Variants in WNT3 observed in about 807,000 individuals in gnomAD.
The protein encoded by WNT3 is proto-oncogene Wnt-3.
In WNT3, 7 loss-of-function variants were observed where a neutral mutation model predicts 34.2. That is an observed-to-expected ratio of 0.20 (90% CI 0.12 to 0.38). The LOEUF is 0.38. Ranked by LOEUF, WNT3 falls within the 10% of genes least tolerant of loss-of-function variation. WNT3 has a pLI of 1.00. For missense variants in WNT3, 267 were observed against 499.8 expected (o/e 0.53, Z 4.44); for synonymous variants, 212 against 211.5 (o/e 1.00, Z -0.02).
chr17:46,780,522 C>T (rs371833443), intron 1 of WNT3, among the ~76,000 whole-genome samples: 2 of 152,286 alleles, frequency 1.3e-5, no homozygotes, highest in Middle Eastern at 3.4e-3. Flanking sequence ...GGTGCGGTGG[C>T]TCACGCTTGT....
chr17:46,782,088 C>T (rs2059466556), intron 1 of WNT3, among the ~76,000 whole-genome samples: 1 of 152,198 alleles, frequency 6.6e-6, no homozygotes, highest in Non-Finnish European at 1.5e-5. Context: ...GGGAAAGGCT[C>T]CCCTCCTCCC....
At chr17:46,785,046 G>A (rs528657044) in intron 1 of WNT3, among the ~76,000 whole-genome samples, 2 of 152,190 alleles carry the variant, frequency 1.3e-5, no homozygotes, top group South Asian at 4.1e-4. Context: ...CAAAGTGCTG[G>A]GATTACAGGC....
At chr17:46,810,855 G>C (rs902831850) in intron 1 of WNT3, among the ~76,000 whole-genome samples, 1 of 152,118 alleles carries the variant, frequency 6.6e-6, no homozygotes, top group African/African-American at 2.4e-5. Flanking sequence ...CTAATATCAA[G>C]ATGGTGGCAG....
At chr17:46,771,513 C>G (rs1036950189) in intron 2 of WNT3, among the ~76,000 whole-genome samples, 2 of 148,934 alleles carry the variant, frequency 1.3e-5, no homozygotes, top group East Asian at 4.0e-4. Flanking sequence ...GGGGGCGGGG[C>G]GGGGATTAGC....
At chr17:46,783,206 A>C (rs1159760354) in intron 1 of WNT3, among the ~76,000 whole-genome samples, 1 of 152,170 alleles carries the variant, frequency 6.6e-6, no homozygotes, top group Non-Finnish European at 1.5e-5. Flanking sequence ...GCTGGGACCC[A>C]AGGTCTTGAG....
chr17:46,775,458 G>A (rs2059405336), intron 1 of WNT3, among the ~76,000 whole-genome samples: 4 of 152,160 alleles, frequency 2.6e-5, no homozygotes, highest in Admixed American at 2.6e-4. Flanking sequence ...GTTGTCAGGG[G>A]GAGAGGCAGG....
In WNT3 at chr17:46,770,008, G is replaced by C; in HGVS notation, c.363C>G (p.Ala121=). The change falls in exon 3 of 5, where the codon GCC becomes GCG. Residue 121 remains alanine (A), a synonymous_variant. Transcript: ENST00000225512. The stretch of plus-strand genomic sequence containing the variant: ...AGCGGGTGACGGCGAAGGCCACGCC[G>C]GCCGAGGCGATGGCGTGAACGAAGG... ...ESAFVHAIAS[A]GVAFAVTRSC... The C allele has an allele frequency of 6.3e-7, 1 of 1,590,656 alleles. No individual in the cohort carries two copies. The highest frequency in any genetic ancestry group is 8.6e-7 in the Non-Finnish European group (1 of 1,169,000).
At chr17:46,783,304 G>T (rs2059477642) in intron 1 of WNT3, among the ~76,000 whole-genome samples, 1 of 152,236 alleles carries the variant, frequency 6.6e-6, no homozygotes, top group Non-Finnish European at 1.5e-5. Flanking sequence ...CTGGGGCCTG[G>T]TGATTTGTGG....
intron 4 of WNT3, among the ~76,000 whole-genome samples, chr17:46,766,356 C>T (rs549367797): frequency 4.6e-5 from 7 of 151,474 alleles, no homozygotes; most frequent in South Asian, 4.2e-4. Flanking sequence ...TACAGTGAGC[C>T]GAGATTGCGC....
At chr17:46,767,419 T>C (rs1454832939) in intron 4 of WNT3, among the ~76,000 whole-genome samples, 1 of 152,084 alleles carries the variant, frequency 6.6e-6, no homozygotes, top group Non-Finnish European at 1.5e-5. Flanking sequence ...GTTGGTACGA[T>C]TTATGCTTGT....
chr17:46,815,862 C>T (rs1433182970), intron 1 of WNT3, among the ~76,000 whole-genome samples: 1 of 152,130 alleles, frequency 6.6e-6, no homozygotes, highest in Non-Finnish European at 1.5e-5. Context: ...CACCAAACAC[C>T]CAAGCTCAGG....
At chr17:46,769,072 C>G (rs1002736102) in intron 3 of WNT3, among the ~76,000 whole-genome samples, 2 of 152,142 alleles carry the variant, frequency 1.3e-5, no homozygotes, top group African/African-American at 4.8e-5. Flanking sequence ...ATCCCAGCAC[C>G]TTGGGAGGCT....
Position 46,768,184 on chromosome 17 carries a change from G to T in WNT3, c.*8+128C>A. ...TGAAAAATCCTAGCTTCCTATTTTG[G>T]CTGTGGGAACTTGTGTGTCTTGGAT... is the stretch of plus-strand genomic sequence containing the variant. On this transcript the variant is annotated intron_variant, in intron 4 of 4. Transcript: ENST00000225512. This position sits in a 1 kb window ranked among gnomAD's most constrained non-coding sequence, Gnocchi z 5.0. The T allele has an allele frequency of 7.4e-7, 1 of 1,354,044 alleles. No individual in the cohort carries two copies. The highest frequency in any genetic ancestry group is 1.0e-6 in the Non-Finnish European group (1 of 986,016). The allele number at this position is 1,354,044 out of a possible 1,614,324, so 83.9% of individuals were successfully genotyped here. A position where few individuals can be genotyped will look rare whatever the true frequency, so the allele number is the denominator to read the frequency against.
intron 1 of WNT3, among the ~76,000 whole-genome samples, chr17:46,816,756 T>C (rs1402818784): frequency 2.0e-5 from 3 of 152,148 alleles, no homozygotes; most frequent in Non-Finnish European, 2.9e-5. Flanking sequence ...TCTCTCTTCC[T>C]CAGTCCCTGC....
intron 1 of WNT3, among the ~76,000 whole-genome samples, chr17:46,787,364 C>T (rs777336701): frequency 2.6e-5 from 4 of 152,132 alleles, no homozygotes; most frequent in Non-Finnish European, 4.4e-5. Context: ...TAAATGGCCA[C>T]GCATGTTAGT....
chr17:46,765,856 T>C (rs1377873409), intron 4 of WNT3, among the ~76,000 whole-genome samples: 4 of 152,130 alleles, frequency 2.6e-5, no homozygotes, highest in East Asian at 3.9e-4. Flanking sequence ...CATCCCCAGT[T>C]CACAAATGAA....
At chr17:46,779,344 A>T (rs1020381166) in intron 1 of WNT3, among the ~76,000 whole-genome samples, 1 of 152,168 alleles carries the variant, frequency 6.6e-6, no homozygotes, top group Non-Finnish European at 1.5e-5. Context: ...CCTGCCTGGC[A>T]CTGACAGCTG....
At chr17:46,794,661 C>G (rs1004052149) in intron 1 of WNT3, among the ~76,000 whole-genome samples, 5 of 152,156 alleles carry the variant, frequency 3.3e-5, no homozygotes, top group Non-Finnish European at 4.4e-5. Context: ...TCTATAGATG[C>G]CTGGGAATTC....
chr17:46,807,473 A>G (rs888715586), intron 1 of WNT3, among the ~76,000 whole-genome samples: 1 of 152,128 alleles, frequency 6.6e-6, no homozygotes, highest in African/African-American at 2.4e-5. Flanking sequence ...CAAGAGCAAA[A>G]CTCCATCTCT....
Sources: allele counts gnomAD v4.1 joint callset (sites outside exome capture counted in the v4.1 genomes callset), GRCh38; gene constraint gnomAD v4.1.1; non-coding constraint Gnocchi (gnomAD v3.1); transcripts MANE v1.5; gene names NCBI Gene and HGNC (gene_info 2026-07-23, HGNC 2026-07-21).